Variants in PTPN1 observed in about 807,000 individuals in gnomAD.
PTPN1 encodes protein tyrosine phosphatase non-receptor type 1, also known as tyrosine-protein phosphatase non-receptor type 1.
In PTPN1, 12 loss-of-function variants were observed where a neutral mutation model predicts 59.9. The ratio of observed to expected loss-of-function variants is 0.20; its 90% confidence interval spans 0.13 to 0.32. PTPN1 has a LOEUF of 0.32. Among genes scored for constraint, PTPN1 ranks in the 10% least tolerant of loss-of-function variants. The probability of loss-of-function intolerance (pLI) is 1.00; values close to 1 mark genes in which losing one functional copy is unlikely to be tolerated. For synonymous variants in PTPN1, 178 were observed against 203.6 expected (o/e 0.87, Z 1.07); for missense variants, 356 against 549.2 (o/e 0.65, Z 3.52).
intron 1 of PTPN1, among the ~76,000 whole-genome samples, chr20:50,529,372 G>A (rs879497598): frequency 5.3e-5 from 8 of 152,210 alleles, no homozygotes; most frequent in Admixed American, 5.2e-4. Context: ...GCTCTTGTTA[G>A]CTATGATTTT....
chr20:50,574,263 G>A (rs1441842264), intron 4 of PTPN1: 4 of 447,454 alleles, frequency 8.9e-6, no homozygotes, highest in South Asian at 3.6e-5. Context: ...GCAGGATCCC[G>A]TTGCCACGTT....
intron 4 of PTPN1, 151 bp from the exon 5 acceptor site, chr20:50,574,366 G>A: frequency 1.3e-6 from 1 of 757,956 alleles, no homozygotes; most frequent in Non-Finnish European, 2.0e-6. Flanking sequence ...ATCTCCCCAT[G>A]AGGCAGGCAT....
chr20:50,534,632 AT>A (rs796883764), intron 1 of PTPN1, among the ~76,000 whole-genome samples: 8 of 152,256 alleles, frequency 5.3e-5, no homozygotes, highest in African/African-American at 1.7e-4. Flanking sequence ...ATTTGTATCT[AT>A]TCCTTAGTTA....
At chr20:50,525,803 G>A (rs2082572489) in intron 1 of PTPN1, among the ~76,000 whole-genome samples, 1 of 151,780 alleles carries the variant, frequency 6.6e-6, no homozygotes, top group South Asian at 2.1e-4. Flanking sequence ...ATGTGTCACT[G>A]AGTGGATACC....
chr20:50,563,595 A>C (rs905467514), intron 2 of PTPN1, among the ~76,000 whole-genome samples: 3 of 152,160 alleles, frequency 2.0e-5, no homozygotes, highest in Non-Finnish European at 4.4e-5. Flanking sequence ...TATTTGTACT[A>C]AGCCTCCATA....
At chr20:50,549,978 C>T (rs921297568) in intron 1 of PTPN1, among the ~76,000 whole-genome samples, 1 of 152,076 alleles carries the variant, frequency 6.6e-6, no homozygotes, top group Non-Finnish European at 1.5e-5. Flanking sequence ...GAAATTTTCT[C>T]ATTTATAATG....
chr20:50,536,603 G>T (rs1005692402), intron 1 of PTPN1, among the ~76,000 whole-genome samples: 2 of 152,166 alleles, frequency 1.3e-5, no homozygotes, highest in Non-Finnish European at 2.9e-5. Context: ...CCAGAACATT[G>T]GTCCCTAGAG....
rs773274412 is a variant in PTPN1 at position 50,581,382 on chromosome 20, A to C, written c.1206A>C (p.Ala402=). The part of the protein sequence containing the change: ...PSLPEKDEDH[A]LSYWKPFLVN... ...TGCCCGAGAAGGACGAGGACCATGC[A>C]CTGAGTTACTGGAAGCCCTTCCTGG... is the stretch of plus-strand genomic sequence containing the variant. Residue 402 remains alanine, a synonymous_variant, in exon 9 of 10, where the codon GCA becomes GCC. Coordinates refer to ENST00000371621, the MANE Select transcript of PTPN1 (RefSeq NM_002827.4). The C allele has an allele frequency of 8.7e-6, 14 of 1,613,950 alleles. No individual in the cohort carries two copies. Among genetic ancestry groups the C allele is most frequent in the Non-Finnish European group, 1.2e-5 (14 of 1,179,934 alleles).
intron 1 of PTPN1, among the ~76,000 whole-genome samples, chr20:50,543,447 A>G (rs761967737): frequency 2.0e-4 from 30 of 152,226 alleles, no homozygotes; most frequent in Non-Finnish European, 3.7e-4. Flanking sequence ...TAGTTTGTCT[A>G]TCTCTGAAAA....
intron 1 of PTPN1, among the ~76,000 whole-genome samples, chr20:50,522,178 C>T (rs2082554522): frequency 6.6e-6 from 1 of 152,210 alleles, no homozygotes; most frequent in South Asian, 2.1e-4. Context: ...TCTTTATCCT[C>T]AGCCTCCTTC....
At position 50,582,578 on chromosome 20, in the gene PTPN1, C is replaced by T. The variant is rs1188504290; in HGVS notation, c.1285-114C>T. On this transcript the variant is annotated intron_variant, in intron 9 of 9. Transcript: ENST00000371621. The surrounding 1 kb of genome is among the most constrained non-coding windows in gnomAD (Gnocchi z 4.2). ...ACTGTAAAAAATAAAACCAAAACCC[C>T]CTTTGCTCCCTCGGAGGTTGAAGTT... 4 of 1,065,440 alleles carry T rather than the reference C, an allele frequency of 3.8e-6. No homozygotes were observed. Among genetic ancestry groups the T allele is most frequent in the African/African-American group, 3.1e-5 (2 of 63,516 alleles). 66.0% of individuals were successfully genotyped at this position (1,065,440 alleles called of 1,614,324 possible). A position where few individuals can be genotyped will look rare whatever the true frequency, so the allele number is the denominator to read the frequency against.
At chr20:50,564,844 GGC>G in intron 2 of PTPN1, 123 bp from the exon 3 acceptor site, 1 of 1,435,540 alleles carries the variant, frequency 7.0e-7, no homozygotes, top group Middle Eastern at 1.8e-4. Flanking sequence ...ACTAAAACAG[GGC>G]TTCAGCCAGT....
At chr20:50,557,576 A>G (rs1331121912) in intron 1 of PTPN1, 1 of 152,218 alleles carries the variant, frequency 6.6e-6, no homozygotes, top group Non-Finnish European at 1.5e-5. Flanking sequence ...GCCTCTGCAC[A>G]TAGTCACAGA....
intron 1 of PTPN1, chr20:50,557,883 C>CAT (rs1353175236): frequency 6.6e-6 from 1 of 152,172 alleles, no homozygotes; most frequent in Non-Finnish European, 1.5e-5. Flanking sequence ...ACCCGATCGG[C>CAT]ATAACGCATG....
chr20:50,541,683 T>C (rs2082653454), intron 1 of PTPN1, among the ~76,000 whole-genome samples: 1 of 152,204 alleles, frequency 6.6e-6, no homozygotes, highest in South Asian at 2.1e-4. Flanking sequence ...AGCAGGCTTC[T>C]GAGGTTGCTC....
At position 50,583,077 on chromosome 20, in the gene PTPN1, C is replaced by G. The variant is rs1056160998; in HGVS notation, c.*362C>G. 3.6e-5 allele frequency: 11 copies of G among 301,670 alleles called. No homozygotes were observed. Among genetic ancestry groups the G allele is most frequent in the East Asian group, 2.9e-4 (5 of 17,422 alleles). The allele number at this position is 301,670 out of a possible 1,614,324, so 18.7% of individuals were successfully genotyped here. A position where few individuals can be genotyped will look rare whatever the true frequency, so the allele number is the denominator to read the frequency against. On this transcript the variant is annotated 3_prime_UTR_variant, in exon 10 of 10. Transcript: ENST00000371621. ...GCGGGCGGCACGCCAACAGCCCCCC[C>G]CTTGAATCTGCAGGGAGCAACTCTC... is the stretch of plus-strand genomic sequence containing the variant.
Position 50,524,569 on chromosome 20 carries a change from C to CTTTTTTTTTTTTTTTTTTTTTTTTTT in PTPN1, c.63+14004_63+14005insTTTTTTTTTTTTTTTTTTTTTTTTTT, listed in dbSNP as rs764474360. On this transcript the variant is annotated intron_variant, in intron 1 of 9. Transcript: ENST00000371621. ...TGGCTGGTTTATCCCATTATGTGGT[C>CTTTTTTTTTTTTTTTTTTTTTTTTTT]TTTTTTTTTTTTTTTTTTTTTTTTT... 7.0e-4 allele frequency among the ~76,000 whole-genome samples: 32 copies of CTTTTTTTTTTTTTTTTTTTTTTTTTT among 45,790 alleles called. 7 individuals are homozygous for CTTTTTTTTTTTTTTTTTTTTTTTTTT. The highest frequency in any genetic ancestry group is 1.5e-3 in the African/African-American group (13 of 8,780). The allele number at this position is 45,790 out of a possible 152,430, so 30.0% of individuals were successfully genotyped here.
intron 5 of PTPN1, among the ~76,000 whole-genome samples, chr20:50,575,850 C>G (rs946508297): frequency 2.6e-5 from 4 of 152,108 alleles, no homozygotes; most frequent in Admixed American, 2.6e-4. Context: ...TTGCTTGTGC[C>G]CGGGAGTTCA....
Position 50,584,388 on chromosome 20 carries a change from C to T in PTPN1, c.*1673C>T, listed in dbSNP as rs553749792. On this transcript the variant is annotated 3_prime_UTR_variant, in exon 10 of 10. Transcript: ENST00000371621. ...ATATATAGTAGCATTTCAAAATGGA[C>T]GTACTGGTTTAACCTCCTATCCTTG... 5.2e-5 allele frequency: 8 copies of T among 152,650 alleles called. No homozygotes were observed. Among genetic ancestry groups the T allele is most frequent in the Admixed American group, 2.6e-4 (4 of 15,286 alleles). 9.5% of individuals were successfully genotyped at this position (152,650 alleles called of 1,614,324 possible).
Sources: gnomAD v4.1 joint callset for allele counts (sites outside exome capture counted in the v4.1 genomes callset) on GRCh38, gnomAD v4.1.1 for gene constraint, Gnocchi (gnomAD v3.1) non-coding constraint, MANE v1.5 for transcripts, NCBI Gene and HGNC (gene_info 2026-07-23, HGNC 2026-07-21) for gene names.